SLC28A2: variants seen among roughly 807,000 people sequenced by gnomAD.
SLC28A2 encodes solute carrier family 28 member 2, also known as sodium/nucleoside cotransporter 2.
SLC28A2 carries 69 observed loss-of-function variants against 72.9 expected under a neutral mutation model. The observed-to-expected ratio is 0.95, with a 90% CI of 0.78 to 1.16. SLC28A2 has a LOEUF of 1.16. Ranked by LOEUF, SLC28A2 falls within the 50% of genes most tolerant of loss-of-function variation. The pLI is 0.00. For synonymous variants in SLC28A2, 296 were observed against 294.1 expected, an observed-to-expected ratio of 1.01 and a Z score of -0.07; for missense variants, 745 against 791.1, an observed-to-expected ratio of 0.94 and a Z score of 0.70.
At position 45,269,549 on chromosome 15, in the gene SLC28A2, C is replaced by T; in HGVS notation, c.1566+14C>T. 6.2e-7 allele frequency: 1 copy of T among 1,607,384 alleles called. No homozygotes were observed. Among genetic ancestry groups the T allele is most frequent in the Non-Finnish European group, 8.5e-7 (1 of 1,173,970 alleles). ...CAGTGGATTTCTGTAAGTGACAATC[C>T]AAAAAGCATAAACACCGTGAGGTCT... On this transcript the variant is annotated intron_variant, in intron 14 of 17. Transcript: ENST00000347644.
chr15:45,256,131 T>A (rs180744042), intron 3 of SLC28A2: 5 of 152,234 alleles, frequency 3.3e-5, no homozygotes, highest in African/African-American at 1.2e-4. Context: ...ATCGACCTTA[T>A]ATTTTCTCAT....
intron 3 of SLC28A2, among the ~76,000 whole-genome samples, chr15:45,255,610 C>T (rs970563251): frequency 2.6e-5 from 4 of 152,150 alleles, no homozygotes; most frequent in African/African-American, 7.2e-5. Flanking sequence ...TTACAGTATT[C>T]GCCTGTAACG....
Position 45,265,094 on chromosome 15 carries a change from C to T in SLC28A2, c.708C>T (p.Phe236=). Reference sequence around the variant, plus strand: ...TTTTCTTTTTTTCCCTTCAGATTTTCCTGAACTACACTGTGGCCGGCTCCA... The same window carrying T: ...TTTTCTTTTTTTCCCTTCAGATTTTTCTGAACTACACTGTGGCCGGCTCCA... The part of the protein sequence containing the change: ...FQWLGEQVQI[F]LNYTVAGSSF... Residue 236 remains phenylalanine, a synonymous_variant, in exon 8 of 18, where the codon TTC becomes TTT. Coordinates refer to ENST00000347644, the MANE Select transcript of SLC28A2 (RefSeq NM_004212.4). 1 of 1,610,672 alleles carries T rather than the reference C, an allele frequency of 6.2e-7. No individual in the cohort carries two copies. Among genetic ancestry groups the T allele is most frequent in the Non-Finnish European group, 8.5e-7 (1 of 1,176,974 alleles).
chr15:45,265,666 G>A lies in SLC28A2; in HGVS notation c.861+3G>A, dbSNP rs377480554. On this transcript the variant is annotated splice_donor_region_variant and intron_variant, in intron 9 of 17. Transcript: ENST00000347644. ...TTGTGCAATGGGTAGTTCAGAAGGT[G>A]AGTCGTTCTCTTACACCAGTCAGGA... The A allele has an allele frequency of 9.4e-6, 15 of 1,601,410 alleles. No homozygotes were observed. Among genetic ancestry groups the A allele is most frequent in the Non-Finnish European group, 1.1e-5 (13 of 1,168,420 alleles).
chr15:45,267,842 T>TA (rs1595679385), intron 12 of SLC28A2, 46 bp downstream of exon 12: 33 of 1,609,564 alleles, frequency 2.1e-5, no homozygotes, highest in Non-Finnish European at 2.4e-5. Context: ...GAGCTGTAGT[T>TA]AAGAGTGGCA....
In SLC28A2 at chr15:45,257,762, T is replaced by C. The variant is rs1900017856; in HGVS notation, c.170+4242T>C. On this transcript the variant is annotated intron_variant, in intron 3 of 17. Transcript: ENST00000347644. ...AAGTTATTAAATTGTGAGTTCTTTC[T>C]CTATTCTGATGTTGCTTCGACTTTA... Among the ~76,000 whole-genome samples the C allele has an allele frequency of 2.0e-5, 3 of 152,234 alleles. No individual in the cohort carries two copies. In the South Asian group the frequency reaches 6.2e-4, roughly 32 times the overall value.
intron 3 of SLC28A2, among the ~76,000 whole-genome samples, chr15:45,256,706 G>A (rs1899990318): frequency 6.6e-6 from 1 of 152,078 alleles, no homozygotes; most frequent in African/African-American, 2.4e-5. Flanking sequence ...ACTGTGGCCG[G>A]CCTACTTTTC....
In SLC28A2 at chr15:45,263,236, G is replaced by A; in HGVS notation, c.438G>A (p.Trp146Ter). Reference sequence around the variant, plus strand: ...TTGAAAACTCCCGCCTGAGGCTTTGGACGAAATGGTAAGATAAGAATCTCA... The same window carrying A: ...TTGAAAACTCCCGCCTGAGGCTTTGAACGAAATGGTAAGATAAGAATCTCA... ...KPFENSRLRL[W>*]TKWVFAGVSL... The change falls in exon 5 of 18, where the codon TGG (tryptophan) becomes TGA (stop). Residue 146 changes from tryptophan to a stop codon, truncating the protein, a stop_gained. Transcript: ENST00000347644. LOFTEE classifies it high-confidence loss of function. 6.2e-7 allele frequency: 1 copy of A among 1,613,402 alleles called. No homozygotes were observed. Among genetic ancestry groups the A allele is most frequent in the East Asian group, 2.2e-5 (1 of 44,862 alleles).
At position 45,269,364 on chromosome 15, in the gene SLC28A2, C is replaced by T. The variant is rs1900465949; in HGVS notation, c.1395C>T (p.Pro465=). Residue 465 remains proline (P), a synonymous_variant, in exon 14 of 18, where the codon CCC becomes CCT. Coordinates refer to ENST00000347644, the MANE Select transcript of SLC28A2 (RefSeq NM_004212.4). ...TCATCTGCTCCTATCTCCTAAGGCC[C>T]ATGGTTTTCATGATGGGTGTAGAGT... ...FQVICSYLLR[P]MVFMMGVEWT... 1.2e-6 allele frequency: 2 copies of T among 1,613,940 alleles called. No individual in the cohort carries two copies. Among genetic ancestry groups the T allele is most frequent in the Non-Finnish European group, 1.7e-6 (2 of 1,179,916 alleles).
intron 5 of SLC28A2, 151 bp from the exon 6 acceptor site, chr15:45,263,730 C>A: frequency 4.9e-5 from 29 of 592,946 alleles, no homozygotes; most frequent in East Asian, 6.4e-5. Flanking sequence ...ATATTCTGAA[C>A]TGGCGTCTAC....
Position 45,272,312 on chromosome 15 carries a change from C to T in SLC28A2, c.1666C>T (p.Arg556Trp), listed in dbSNP as rs536193391. Residue 556 changes from arginine to tryptophan, a missense_variant, in exon 16 of 18, where the codon CGG becomes TGG. By Grantham distance (101) the Arg-to-Trp change is moderately radical (BLOSUM62 -3). Transcript: ENST00000347644. The part of the protein sequence containing the change: ...LGGLTSIVPH[R>W]KSDLSKVVVR... ...GTCTGCAGCATCAATAGTACCTCAC[C>T]GGAAGAGTGACTTGTCCAAGGTTGT... 1.4e-5 allele frequency: 23 copies of T among 1,613,706 alleles called. No homozygotes were observed. Among genetic ancestry groups the T allele is most frequent in the African/African-American group, 1.2e-4 (9 of 75,014 alleles).
intron 6 of SLC28A2, 54 bp from the exon 7 acceptor site, chr15:45,264,601 C>G (rs764248300): frequency 3.7e-5 from 45 of 1,214,280 alleles, no homozygotes; most frequent in Non-Finnish European, 5.0e-5. Flanking sequence ...AAAACTCCAA[C>G]CAGGTAATGG....
chr15:45,270,208 T>C lies in SLC28A2; in HGVS notation c.1580T>C (p.Ile527Thr). 6.2e-7 allele frequency: 1 copy of C among 1,613,200 alleles called. No homozygotes were observed. Among genetic ancestry groups the C allele is most frequent in the East Asian group, 2.2e-5 (1 of 44,894 alleles). Reference sequence around the variant, plus strand: ...TGTTTTCCCTAGGTGAGAGCTGAAATCATTACAACATTTTCACTCTGTGGA... The same window carrying C: ...TGTTTTCCCTAGGTGAGAGCTGAAACCATTACAACATTTTCACTCTGTGGA... ...EKQWISVRAE[I>T]ITTFSLCGFA... Residue 527 changes from isoleucine (I) to threonine (T), a missense_variant, in exon 15 of 18, where the codon ATC becomes ACC. Coordinates refer to ENST00000347644, the MANE Select transcript of SLC28A2 (RefSeq NM_004212.4).
At chr15:45,255,619 C>T (rs1033148585) in intron 3 of SLC28A2, among the ~76,000 whole-genome samples, 1 of 152,018 alleles carries the variant, frequency 6.6e-6, no homozygotes, top group African/African-American at 2.4e-5. Flanking sequence ...TCGCCTGTAA[C>T]GTAAAAACTC....
At chr15:45,270,785 C>CATT (rs929931937) in intron 15 of SLC28A2, among the ~76,000 whole-genome samples, 7 of 151,436 alleles carry the variant, frequency 4.6e-5, no homozygotes, top group Non-Finnish European at 1.0e-4. Context: ...CCACTATGCC[C>CATT]ATTATTATTA....
chr15:45,264,171 CTAAGA>C (rs947152686), intron 6 of SLC28A2, 149 bp downstream of exon 6: 5 of 724,546 alleles, frequency 6.9e-6, no homozygotes, highest in African/African-American at 5.5e-5. Flanking sequence ...AATTTTGTTT[CTAAGA>C]TAAGTTTAAA....
chr15:45,264,147 T>A, intron 6 of SLC28A2, 125 bp downstream of exon 6: 1 of 886,768 alleles, frequency 1.1e-6, no homozygotes. Flanking sequence ...ACCCCTAGAA[T>A]TTGCCTCTTT....
At position 45,275,710 on chromosome 15, in the gene SLC28A2, C is replaced by A. The variant is rs939113567; in HGVS notation, c.*197C>A. On this transcript the variant is annotated 3_prime_UTR_variant, in exon 18 of 18. Coordinates refer to ENST00000347644, the MANE Select transcript of SLC28A2 (RefSeq NM_004212.4). ...CAGCACTTTGGGAGGCCGAGGCGGG[C>A]GGATCACAAGGTCAGGAGATCGAGA... 2 of 485,460 alleles carry A rather than the reference C, an allele frequency of 4.1e-6. No individual in the cohort carries two copies. Among genetic ancestry groups the A allele is most frequent in the Non-Finnish European group, 7.4e-6 (2 of 270,364 alleles). The allele number at this position is 485,460 out of a possible 1,614,324, so 30.1% of individuals were successfully genotyped here. A position where few individuals can be genotyped will look rare whatever the true frequency, so the allele number is the denominator to read the frequency against.
At position 45,260,106 on chromosome 15, in the gene SLC28A2, A is replaced by C. The variant is rs551282819; in HGVS notation, c.171-1909A>C. 2.6e-5 allele frequency among the ~76,000 whole-genome samples: 4 copies of C among 152,362 alleles called. No individual in the cohort carries two copies. The South Asian group carries it at 6.2e-4, about 24-fold the overall frequency. ...AGGTATGGTGACACCATAAGAAAGG[A>C]TAATGCAAGAAGCAAAAGTCTTGAA... On this transcript the variant is annotated intron_variant, in intron 3 of 17. Transcript: ENST00000347644.
Sources: gnomAD v4.1 joint callset for allele counts (sites outside exome capture counted in the v4.1 genomes callset) on GRCh38, gnomAD v4.1.1 for gene constraint, MANE v1.5 for transcripts, NCBI Gene and HGNC (gene_info 2026-07-23, HGNC 2026-07-21) for gene names.